The following AKAP19 variants were observed in gnomAD, a reference collection of about 807,000 sequenced individuals.
The protein encoded by AKAP19 is small A-kinase anchoring protein.
At chr2:189,978,228 G>A in the AKAP19 span, among the ~76,000 whole-genome samples, 2 of 152,132 alleles carry the variant, frequency 1.3e-5, no homozygotes, top group African/African-American at 2.4e-5. Context: ...TAGTTTTTCA[G>A]CCTTTACCCC....
the AKAP19 span, among the ~76,000 whole-genome samples, chr2:189,950,328 TTTTTTG>T: frequency 2.7e-4 from 8 of 29,840 alleles, no homozygotes; most frequent in African/African-American, 7.1e-4. Flanking sequence ...GCGCCCAGCC[TTTTTTG>T]TTTTTTTTTT....
At chr2:190,031,365 CAGTG>C in the AKAP19 span, among the ~76,000 whole-genome samples, 2 of 152,264 alleles carry the variant, frequency 1.3e-5, no homozygotes, top group Admixed American at 6.5e-5. Flanking sequence ...TGTTCTCAGA[CAGTG>C]AGATTCATAT....
chr2:189,999,285 A>T, the AKAP19 span, among the ~76,000 whole-genome samples: 1 of 151,936 alleles, frequency 6.6e-6, no homozygotes, highest in Non-Finnish European at 1.5e-5. Flanking sequence ...TTTCGTTTTC[A>T]TTTATTTCAA....
chr2:190,111,372 A>C, the AKAP19 span, among the ~76,000 whole-genome samples: 1 of 152,170 alleles, frequency 6.6e-6, no homozygotes, highest in South Asian at 2.1e-4. Context: ...TGACTGGTAC[A>C]TCATCTCAAA....
At chr2:190,200,067 CTTG>C in the AKAP19 span, 1 of 1,614,080 alleles carries the variant, frequency 6.2e-7, no homozygotes, top group Non-Finnish European at 8.5e-7. Context: ...CTCAGGATAT[CTTG>C]TGTGATGCCT....
At chr2:190,128,550 C>T in the AKAP19 span, among the ~76,000 whole-genome samples, 27 of 152,186 alleles carry the variant, frequency 1.8e-4, no homozygotes, top group South Asian at 8.3e-4. Context: ...TCATATGCCC[C>T]AGGGCAGCCC....
the AKAP19 span, among the ~76,000 whole-genome samples, chr2:190,087,919 A>C: frequency 1.3e-5 from 2 of 152,198 alleles, no homozygotes; most frequent in Non-Finnish European, 2.9e-5. Context: ...ATAAAAGATA[A>C]GGAGTTTTAA....
the AKAP19 span, chr2:190,060,072 TCTC>T: frequency 2.5e-6 from 4 of 1,612,234 alleles, no homozygotes; most frequent in Non-Finnish European, 2.5e-6. Context: ...CAGCCCATCT[TCTC>T]CTGGTCCTGG....
chr2:189,967,353 C>A, the AKAP19 span, among the ~76,000 whole-genome samples: 2 of 152,134 alleles, frequency 1.3e-5, no homozygotes, highest in Non-Finnish European at 2.9e-5. Context: ...TCTACAGTTT[C>A]CCTGAACTTG....
the AKAP19 span, among the ~76,000 whole-genome samples, chr2:189,957,919 G>A: frequency 4.6e-5 from 7 of 151,942 alleles, no homozygotes; most frequent in African/African-American, 1.7e-4. Context: ...TTGGCCTCCC[G>A]AGTAGCAGGG....
chr2:190,049,591 T>G, the AKAP19 span, among the ~76,000 whole-genome samples: 1 of 152,382 alleles, frequency 6.6e-6, no homozygotes, highest in South Asian at 2.1e-4. Context: ...AGTAGCCATC[T>G]TGTAATTGTA....
At chr2:189,907,904 T>C in the AKAP19 span, among the ~76,000 whole-genome samples, 1 of 152,168 alleles carries the variant, frequency 6.6e-6, no homozygotes, top group Non-Finnish European at 1.5e-5. Context: ...GCATCAGCTG[T>C]AATTTCTCAT....
chr2:190,172,672 C>T, the AKAP19 span, among the ~76,000 whole-genome samples: 1 of 152,194 alleles, frequency 6.6e-6, no homozygotes, highest in Non-Finnish European at 1.5e-5. Flanking sequence ...GAAAGCAACA[C>T]AGAATAATAG....
chr2:189,954,533 C>T, the AKAP19 span, among the ~76,000 whole-genome samples: 1 of 152,210 alleles, frequency 6.6e-6, no homozygotes, highest in South Asian at 2.1e-4. Context: ...TTATATCCTA[C>T]TGCTCAAGGT....
chr2:190,199,892 C>T, the AKAP19 span: 16 of 1,613,888 alleles, frequency 9.9e-6, no homozygotes, highest in Non-Finnish European at 1.2e-5. Context: ...CAAACTTTCC[C>T]ATTTCCTACC....
the AKAP19 span, among the ~76,000 whole-genome samples, chr2:190,171,872 A>G: frequency 6.6e-6 from 1 of 152,130 alleles, no homozygotes; most frequent in African/African-American, 2.4e-5. Context: ...ATACTTTTTC[A>G]TCTGGATTTC....
the AKAP19 span, among the ~76,000 whole-genome samples, chr2:190,049,456 C>T: frequency 6.6e-6 from 1 of 152,170 alleles, no homozygotes; most frequent in South Asian, 2.1e-4. Flanking sequence ...CTACAGAGTG[C>T]AAATTGTATT....
At chr2:190,062,810 T>C in the AKAP19 span, 3 of 526,110 alleles carry the variant, frequency 5.7e-6, no homozygotes, top group Middle Eastern at 5.1e-4. Flanking sequence ...TGGCTCTTGC[T>C]CCACAATGAA....
At chr2:190,145,804 T>A in the AKAP19 span, among the ~76,000 whole-genome samples, 1 of 149,436 alleles carries the variant, frequency 6.7e-6, no homozygotes, top group South Asian at 2.1e-4. Context: ...TCTCTCTGTA[T>A]ATATAGTGGG....
Sources: allele counts gnomAD v4.1 joint callset (sites outside exome capture counted in the v4.1 genomes callset), GRCh38; gene constraint gnomAD v4.1.1; transcripts MANE v1.5; gene names NCBI Gene and HGNC (gene_info 2026-07-23, HGNC 2026-07-21).